The following TMEM41B variants were observed in gnomAD, a reference collection of about 807,000 sequenced individuals.
The protein encoded by TMEM41B is protein stasimon.
Under a neutral mutation model 31.9 loss-of-function variants are expected in TMEM41B, and 18 were observed. That is an observed-to-expected ratio of 0.56 (90% confidence interval 0.39 to 0.84). The LOEUF (loss-of-function observed/expected upper bound fraction) is 0.84. Among genes scored for constraint, TMEM41B ranks in the 40% least tolerant of loss-of-function variants. TMEM41B has a pLI of 0.00. For missense variants in TMEM41B, 322 were observed against 348.0 expected, an observed-to-expected ratio of 0.93 and a Z score of 0.59; for synonymous variants, 144 against 124.3, an observed-to-expected ratio of 1.16 and a Z score of -1.05.
At chr11:9,284,009 C>A (rs572178099) in intron 6 of TMEM41B, among the ~76,000 whole-genome samples, 3 of 151,958 alleles carry the variant, frequency 2.0e-5, no homozygotes, top group Non-Finnish European at 4.4e-5. Flanking sequence ...GTCTCAAACT[C>A]CCGACCTCAG....
chr11:9,283,393 G>A lies in TMEM41B; in HGVS notation c.*31C>T. On this transcript the variant is annotated 3_prime_UTR_variant, in exon 7 of 7. Coordinates refer to ENST00000528080, the MANE Select transcript of TMEM41B (RefSeq NM_015012.4). Reference sequence around the variant, plus strand: ...CACCTGTTAATCCTGAGATGGTGATGACAGCAAAACTAAAAATCAGATGAT... The same window carrying A: ...CACCTGTTAATCCTGAGATGGTGATAACAGCAAAACTAAAAATCAGATGAT... 1 of 1,565,758 alleles carries A rather than the reference G, an allele frequency of 6.4e-7. No homozygotes were observed. Among genetic ancestry groups the A allele is most frequent in the Non-Finnish European group, 8.7e-7 (1 of 1,149,956 alleles).
At chr11:9,302,475 A>G (rs1188763982) in intron 1 of TMEM41B, among the ~76,000 whole-genome samples, 1 of 99,504 alleles carries the variant, frequency 1.0e-5, no homozygotes, top group Admixed American at 9.8e-5. Flanking sequence ...TTACCCCCGC[A>G]AGAGACAGGG....
chr11:9,287,250 G>A (rs1590371692), intron 5 of TMEM41B, among the ~76,000 whole-genome samples: 1 of 152,282 alleles, frequency 6.6e-6, no homozygotes, highest in East Asian at 1.9e-4. Context: ...GGCAGAGGTT[G>A]CAGTGAGCCG....
rs1288847472 is a variant in TMEM41B, at chr11:9,302,941, T to C, written c.122-3240A>G. On this transcript the variant is annotated intron_variant, in intron 1 of 6. Coordinates refer to ENST00000528080, the MANE Select transcript of TMEM41B (RefSeq NM_015012.4). The stretch of plus-strand genomic sequence containing the variant: ...AGGAGGATCACTTAAGCACAGAACT[T>C]TGATTCCGGCCTGGGCAACACAGTG... Among the ~76,000 whole-genome samples the C allele has an allele frequency of 2.0e-5, 2 of 100,386 alleles. 1 individual carries two copies. Among genetic ancestry groups the C allele is most frequent in the Non-Finnish European group, 4.3e-5 (2 of 46,638 alleles). 65.9% of individuals were successfully genotyped at this position (100,386 alleles called of 152,430 possible).
Position 9,299,716 on chromosome 11 carries a change from A to G in TMEM41B, c.122-15T>C, listed in dbSNP as rs1853199917. Reference sequence around the variant, plus strand: ...CCAGGATTTTTCTGGAAGAAAAAAGAAAGTATAATTAAGATAAATATAAAG... The same window carrying G: ...CCAGGATTTTTCTGGAAGAAAAAAGGAAGTATAATTAAGATAAATATAAAG... On this transcript the variant is annotated splice_polypyrimidine_tract_variant and intron_variant, in intron 1 of 6. Coordinates refer to ENST00000528080, the MANE Select transcript of TMEM41B (RefSeq NM_015012.4). 1 of 1,520,208 alleles carries G rather than the reference A, an allele frequency of 6.6e-7. No individual in the cohort carries two copies. Among genetic ancestry groups the G allele is most frequent in the Non-Finnish European group, 9.1e-7 (1 of 1,103,382 alleles). The allele number at this position is 1,520,208 out of a possible 1,614,324, so 94.2% of individuals were successfully genotyped here. A position where few individuals can be genotyped will look rare whatever the true frequency, so the allele number is the denominator to read the frequency against.
Position 9,288,485 on chromosome 11 carries a change from C to A in TMEM41B, c.419G>T (p.Gly140Val). ...GGCTAGTGGAAAGGGATAAAGAAAC[C>A]CTGAGAGTATACTGAGAAATATAGA... The part of the protein sequence containing the change: ...PGSIFLSILS[G>V]FLYPFPLALF... Residue 140 changes from glycine to valine, a missense_variant, in exon 4 of 7, where the codon GGG (glycine) becomes GTG (valine). Physicochemically the swap from Gly to Val is moderately radical, Grantham distance 109 (BLOSUM62 -3). Coordinates refer to ENST00000528080, the MANE Select transcript of TMEM41B (RefSeq NM_015012.4). 2 of 1,594,278 alleles carry A rather than the reference C, an allele frequency of 1.3e-6. No individual in the cohort carries two copies. Among genetic ancestry groups the A allele is most frequent in the South Asian group, 1.2e-5 (1 of 86,350 alleles).
In TMEM41B at chr11:9,283,370, C is replaced by T; in HGVS notation, c.*54G>A. 7.3e-7 allele frequency: 1 copy of T among 1,374,152 alleles called. No homozygotes were observed. 85.1% of individuals were successfully genotyped at this position (1,374,152 alleles called of 1,614,324 possible). A position where few individuals can be genotyped will look rare whatever the true frequency, so the allele number is the denominator to read the frequency against. On this transcript the variant is annotated 3_prime_UTR_variant, in exon 7 of 7. Coordinates refer to ENST00000528080, the MANE Select transcript of TMEM41B (RefSeq NM_015012.4). ...TGATTTTAAAACATAAATGGATGCA[C>T]CTGTTAATCCTGAGATGGTGATGAC...
intron 2 of TMEM41B, among the ~76,000 whole-genome samples, chr11:9,296,878 T>TA (rs1853103379): frequency 6.6e-6 from 1 of 152,344 alleles, no homozygotes; most frequent in East Asian, 1.9e-4. Context: ...AAGCCTCGAA[T>TA]AATCACCTTT....
rs551398449 is a variant in TMEM41B, at chr11:9,302,347, G to C, written c.122-2646C>G. 2.0e-5 allele frequency among the ~76,000 whole-genome samples: 2 copies of C among 99,842 alleles called. 1 individual carries two copies. The highest frequency in any genetic ancestry group is 6.2e-4 in the South Asian group (2 of 3,218). 65.5% of individuals were successfully genotyped at this position (99,842 alleles called of 152,430 possible). A position where few individuals can be genotyped will look rare whatever the true frequency, so the allele number is the denominator to read the frequency against. ...TTTTAACAATCTTCCTTTTTTCCTA[G>C]TTTAAACTGATGTCTATTCCTTTCA... is the stretch of plus-strand genomic sequence containing the variant. On this transcript the variant is annotated intron_variant, in intron 1 of 6. Transcript: ENST00000528080.
intron 1 of TMEM41B, among the ~76,000 whole-genome samples, chr11:9,307,912 C>G (rs527814081): frequency 6.6e-6 from 1 of 152,060 alleles, no homozygotes; most frequent in South Asian, 2.1e-4. Context: ...CCTCTCCCGG[C>G]TAATTTTTTG....
intron 2 of TMEM41B, among the ~76,000 whole-genome samples, chr11:9,297,186 G>A (rs574766370): frequency 6.6e-4 from 100 of 152,258 alleles, no homozygotes; most frequent in African/African-American, 2.2e-3. Context: ...CCAGGTTCAC[G>A]CCATTCTCCT....
chr11:9,312,919 A>G (rs1323547097), intron 1 of TMEM41B, among the ~76,000 whole-genome samples: 1 of 149,014 alleles, frequency 6.7e-6, no homozygotes, highest in Non-Finnish European at 1.5e-5. Flanking sequence ...AAAAAAAAAA[A>G]AAAAGAATAA....
intron 2 of TMEM41B, 84 bp downstream of exon 2, chr11:9,299,500 G>T: frequency 1.1e-6 from 1 of 913,234 alleles, no homozygotes; most frequent in Non-Finnish European, 1.7e-6. Flanking sequence ...TGAGATTACA[G>T]GCATCAGCTA....
intron 2 of TMEM41B, among the ~76,000 whole-genome samples, chr11:9,296,766 T>C (rs998362528): frequency 1.3e-5 from 2 of 152,208 alleles, no homozygotes; most frequent in South Asian, 2.1e-4. Flanking sequence ...AAACATTTTC[T>C]TGAATACCAC....
intron 2 of TMEM41B, among the ~76,000 whole-genome samples, chr11:9,295,633 C>G (rs556287941): frequency 5.3e-5 from 8 of 152,046 alleles, no homozygotes; most frequent in Non-Finnish European, 1.0e-4. Flanking sequence ...CTCCCAGGTA[C>G]AAACGATTCT....
chr11:9,299,315 T>TATAC (rs1345484748), intron 2 of TMEM41B, among the ~76,000 whole-genome samples: 2 of 15,248 alleles, frequency 1.3e-4, no homozygotes, highest in African/African-American at 2.0e-4. Context: ...AGAAAGTATA[T>TATAC]ATACATACAT....
intron 5 of TMEM41B, among the ~76,000 whole-genome samples, 173 bp downstream of exon 5, chr11:9,287,529 A>C (rs1365648116): frequency 6.6e-6 from 1 of 152,188 alleles, no homozygotes; most frequent in African/African-American, 2.4e-5. Context: ...ATTAACATTC[A>C]TATTTGCCTA....
At chr11:9,294,593 A>G (rs1439193439) in intron 3 of TMEM41B, among the ~76,000 whole-genome samples, 4 of 152,128 alleles carry the variant, frequency 2.6e-5, no homozygotes, top group African/African-American at 9.7e-5. Flanking sequence ...AACAGTTTGG[A>G]TAAGAATAAA....
intron 1 of TMEM41B, among the ~76,000 whole-genome samples, chr11:9,304,952 A>G (rs1338290697): frequency 2.0e-5 from 3 of 151,728 alleles, no homozygotes; most frequent in Non-Finnish European, 4.4e-5. Flanking sequence ...CACCACGCCC[A>G]GCAATTTTTT....
Sources: allele counts gnomAD v4.1 joint callset (sites outside exome capture counted in the v4.1 genomes callset), GRCh38; gene constraint gnomAD v4.1.1; transcripts MANE v1.5; gene names NCBI Gene and HGNC (gene_info 2026-07-23, HGNC 2026-07-21).